Variants in C4orf46 observed in about 807,000 individuals in gnomAD.
C4orf46 encodes renal cancer differentiation gene 1 protein.
Under a neutral mutation model 9.1 loss-of-function variants are expected in C4orf46, and 8 were observed. The observed-to-expected ratio is 0.88, with a 90% CI of 0.52 to 1.59. C4orf46 has a LOEUF of 1.59. Among genes scored for constraint, C4orf46 ranks in the 40% most tolerant of loss-of-function variants. The probability of loss-of-function intolerance (pLI) is 0.00; values close to 1 mark genes in which losing one functional copy is unlikely to be tolerated. For synonymous variants in C4orf46, 51 were observed against 58.8 expected (o/e 0.87, Z 0.61); for missense variants, 151 against 139.1 (o/e 1.09, Z -0.43).
chr4:158,672,022 G>A (rs1321259826), upstream of C4orf46: 26 of 552,816 alleles, frequency 4.7e-5, no homozygotes, highest in Non-Finnish European at 7.4e-5. Context: ...GCTCCTGCGC[G>A]AGCCTCCAAT....
At chr4:158,670,793 G>A (rs188573671) in intron 1 of C4orf46, among the ~76,000 whole-genome samples, 4 of 152,182 alleles carry the variant, frequency 2.6e-5, no homozygotes, top group Admixed American at 1.3e-4. Flanking sequence ...CCAATCTGCA[G>A]GAAAGGTCAG....
chr4:158,669,782 G>A lies in C4orf46; in HGVS notation c.187-14C>T, dbSNP rs80032457. On this transcript the variant is annotated splice_polypyrimidine_tract_variant and intron_variant, in intron 1 of 1. Transcript: ENST00000379205. ...TGAAAAGGCTGCCTAAAAAAAAAAA[G>A]TCAAACATAATTTTATTTTTAAAAT... 6.6e-4 allele frequency: 1,019 copies of A among 1,533,610 alleles called. 7 individuals are homozygous for A. In the East Asian group the frequency reaches 0.021, roughly 32 times the overall value.
rs1364821837 is a variant in C4orf46 at position 158,667,689 on chromosome 4, A to G, written c.*1924T>C. ...ACACTCCAGCCTGAGCAATAGAGTG[A>G]GATCTTGTCTCTTAAAAAAAAAAAA... is the stretch of plus-strand genomic sequence containing the variant. On this transcript the variant is annotated 3_prime_UTR_variant, in exon 2 of 2. Transcript: ENST00000379205. 6.6e-6 allele frequency: 1 copy of G among 151,650 alleles called. No homozygotes were observed. 9.4% of individuals were successfully genotyped at this position (151,650 alleles called of 1,614,324 possible).
chr4:158,671,724 A>G lies in C4orf46; in HGVS notation c.78T>C (p.Ser26=). 2 of 1,600,648 alleles carry G rather than the reference A, an allele frequency of 1.2e-6. No homozygotes were observed. The highest frequency in any genetic ancestry group is 1.7e-6 in the Non-Finnish European group (2 of 1,173,784). ...PPSSPSSSDA[S]AASSPGGPVS... The stretch of plus-strand genomic sequence containing the variant: ...CTGGGCCGCCCGGGGAAGATGCTGC[A>G]GAGGCGTCTGAAGAGGAGGGAGAAG... The change falls in exon 1 of 2, where the codon TCT becomes TCC. Residue 26 remains serine (S), a synonymous_variant. Transcript: ENST00000379205.
Position 158,669,720 on chromosome 4 carries a change from C to T in C4orf46, c.235G>A (p.Ala79Thr). ...TTGAAGGCAAGTTCTTCCACTTGAGCTGATACTGCAGATGTGGCTTCAAGA... is the reference window on the plus strand; with the variant it reads ...TTGAAGGCAAGTTCTTCCACTTGAGTTGATACTGCAGATGTGGCTTCAAGA... ...KLLEATSAVS[A>T]QVEELAFKCT... Residue 79 changes from alanine to threonine, a missense_variant, in exon 2 of 2, where the codon GCT becomes ACT. Transcript: ENST00000379205. 6.2e-7 allele frequency: 1 copy of T among 1,613,536 alleles called. No homozygotes were observed. The highest frequency in any genetic ancestry group is 1.7e-5 in the Admixed American group (1 of 59,994).
Position 158,669,414 on chromosome 4 carries a change from AC to A in C4orf46, c.*198del, listed in dbSNP as rs552590192. ...GTTCAGAGGCATAAAGTATTTAAGG[AC>A]AAACAAGTACTGGTCCGCAACAAAA... On this transcript the variant is annotated 3_prime_UTR_variant, in exon 2 of 2. Coordinates refer to ENST00000379205, the MANE Select transcript of C4orf46 (RefSeq NM_001008393.4). The A allele has an allele frequency of 1.7e-4, 80 of 479,550 alleles. No homozygotes were observed. The highest frequency in any genetic ancestry group is 2.6e-4 in the Non-Finnish European group (70 of 267,076). 29.7% of individuals were successfully genotyped at this position (479,550 alleles called of 1,614,324 possible). A position where few individuals can be genotyped will look rare whatever the true frequency, so the allele number is the denominator to read the frequency against.
rs536720153 is a variant in C4orf46 at position 158,671,613 on chromosome 4, C to T, written c.186+3G>A. 1.4e-4 allele frequency: 209 copies of T among 1,544,594 alleles called. 2 individuals carry two copies. The South Asian group carries it at 2.2e-3, about 16-fold the overall frequency. On this transcript the variant is annotated splice_donor_region_variant and intron_variant, in intron 1 of 1. Transcript: ENST00000379205. ...GGGGACGCGGTCCCGACACCACACT[C>T]ACGTCTCCGATCTGCAGCTCCACTT...
chr4:158,671,723 C>A lies in C4orf46; in HGVS notation c.79G>T (p.Ala27Ser), dbSNP rs145167320. ...ACTGGGCCGCCCGGGGAAGATGCTG[C>A]AGAGGCGTCTGAAGAGGAGGGAGAA... is the stretch of plus-strand genomic sequence containing the variant. Reference protein sequence around the residue: ...PSSPSSSDASAASSPGGPVSL... With the variant: ...PSSPSSSDASSASSPGGPVSL... The change falls in exon 1 of 2, where the codon GCA becomes TCA. Residue 27 changes from alanine to serine, a missense_variant. Ala to Ser is a moderately conservative substitution (Grantham distance 99). Coordinates refer to ENST00000379205, the MANE Select transcript of C4orf46 (RefSeq NM_001008393.4). 6.2e-7 allele frequency: 1 copy of A among 1,601,292 alleles called. No homozygotes were observed. Among genetic ancestry groups the A allele is most frequent in the African/African-American group, 1.3e-5 (1 of 74,752 alleles).
chr4:158,667,419 T>G lies in C4orf46; in HGVS notation c.*2194A>C, dbSNP rs1224143538. The stretch of plus-strand genomic sequence containing the variant: ...TTATGAAAGATTGGTAAAATTACGT[T>G]TTTAAAAATTCAAGATTTCATAACC... On this transcript the variant is annotated 3_prime_UTR_variant, in exon 2 of 2. Transcript: ENST00000379205. The G allele has an allele frequency of 6.6e-6, 1 of 152,110 alleles. No individual in the cohort carries two copies. Among genetic ancestry groups the G allele is most frequent in the Non-Finnish European group, 1.5e-5 (1 of 68,032 alleles). The allele number at this position is 152,110 out of a possible 1,614,324, so 9.4% of individuals were successfully genotyped here.
Position 158,669,263 on chromosome 4 carries a change from T to C in C4orf46, c.*350A>G, listed in dbSNP as rs1168670742. 6.1e-6 allele frequency: 1 copy of C among 163,192 alleles called. No homozygotes were observed. Among genetic ancestry groups the C allele is most frequent in the Non-Finnish European group, 1.3e-5 (1 of 75,428 alleles). 10.1% of individuals were successfully genotyped at this position (163,192 alleles called of 1,614,324 possible). A position where few individuals can be genotyped will look rare whatever the true frequency, so the allele number is the denominator to read the frequency against. On this transcript the variant is annotated 3_prime_UTR_variant, in exon 2 of 2. Coordinates refer to ENST00000379205, the MANE Select transcript of C4orf46 (RefSeq NM_001008393.4). The stretch of plus-strand genomic sequence containing the variant: ...TAAGATGAAACGCAACTTCAAAGTC[T>C]GCCATGCTTAGCATCTTGTTGCAAA...
chr4:158,671,580 C>T, intron 1 of C4orf46, 36 bp downstream of exon 1: 1 of 1,450,062 alleles, frequency 6.9e-7, no homozygotes, highest in Non-Finnish European at 9.2e-7. Context: ...TTCCCAGAGG[C>T]GCCGAGGGGG....
At position 158,668,834 on chromosome 4, in the gene C4orf46, G is replaced by A. The variant is rs1773444678; in HGVS notation, c.*779C>T. The A allele has an allele frequency of 6.6e-6, 1 of 151,674 alleles. No individual in the cohort carries two copies. Among genetic ancestry groups the A allele is most frequent in the African/African-American group, 2.4e-5 (1 of 41,282 alleles). The allele number at this position is 151,674 out of a possible 1,614,324, so 9.4% of individuals were successfully genotyped here. A position where few individuals can be genotyped will look rare whatever the true frequency, so the allele number is the denominator to read the frequency against. On this transcript the variant is annotated 3_prime_UTR_variant, in exon 2 of 2. Coordinates refer to ENST00000379205, the MANE Select transcript of C4orf46 (RefSeq NM_001008393.4). Reference sequence around the variant, plus strand: ...AAAGCAGTAACCACAGAAATAAATAGGGAAAAAATATGCATTCTTTCTAAA... The same window carrying A: ...AAAGCAGTAACCACAGAAATAAATAAGGAAAAAATATGCATTCTTTCTAAA...
rs1007923314 is a variant in C4orf46 at position 158,666,894 on chromosome 4, AAT to A, written c.*2717_*2718del. 1 of 152,044 alleles carries A rather than the reference AAT, an allele frequency of 6.6e-6. No individual in the cohort carries two copies. Among genetic ancestry groups the A allele is most frequent in the Non-Finnish European group, 1.5e-5 (1 of 68,032 alleles). The allele number at this position is 152,044 out of a possible 1,614,324, so 9.4% of individuals were successfully genotyped here. A position where few individuals can be genotyped will look rare whatever the true frequency, so the allele number is the denominator to read the frequency against. ...GAAGGTAAATATATGTTAAGAAACT[AAT>A]AGTTTCTTGTTTGTAGATTCCTCTG... On this transcript the variant is annotated 3_prime_UTR_variant, in exon 2 of 2. Coordinates refer to ENST00000379205, the MANE Select transcript of C4orf46 (RefSeq NM_001008393.4).
chr4:158,669,551 C>CA lies in C4orf46; in HGVS notation c.*61dup. On this transcript the variant is annotated 3_prime_UTR_variant, in exon 2 of 2. Coordinates refer to ENST00000379205, the MANE Select transcript of C4orf46 (RefSeq NM_001008393.4). ...TCATCCTATATGTGTGGTACATGTA[C>CA]AAAATATGACATAAGAAGTATGAAT... 6.5e-7 allele frequency: 1 copy of CA among 1,540,394 alleles called. No individual in the cohort carries two copies. Among genetic ancestry groups the CA allele is most frequent in the African/African-American group, 1.4e-5 (1 of 73,262 alleles).
rs898752854 is a variant in C4orf46 at position 158,668,355 on chromosome 4, A to G, written c.*1258T>C. 9 of 152,684 alleles carry G rather than the reference A, an allele frequency of 5.9e-5. No individual in the cohort carries two copies. Among genetic ancestry groups the G allele is most frequent in the Non-Finnish European group, 1.2e-4 (8 of 68,038 alleles). The allele number at this position is 152,684 out of a possible 1,614,324, so 9.5% of individuals were successfully genotyped here. ...CCTATGTGTTTATCTTTAACTAAAA[A>G]AACTAATCAAGAACTATGACCTAAT... On this transcript the variant is annotated 3_prime_UTR_variant, in exon 2 of 2. Coordinates refer to ENST00000379205, the MANE Select transcript of C4orf46 (RefSeq NM_001008393.4).
In C4orf46 at chr4:158,669,248, C is replaced by G. The variant is rs1773454412; in HGVS notation, c.*365G>C. On this transcript the variant is annotated 3_prime_UTR_variant, in exon 2 of 2. Transcript: ENST00000379205. ...ACCTCCCTTGGTCCTTAAGATGAAA[C>G]GCAACTTCAAAGTCTGCCATGCTTA... 1 of 159,586 alleles carries G rather than the reference C, an allele frequency of 6.3e-6. No individual in the cohort carries two copies. Among genetic ancestry groups the G allele is most frequent in the Non-Finnish European group, 1.4e-5 (1 of 73,008 alleles). The allele number at this position is 159,586 out of a possible 1,614,324, so 9.9% of individuals were successfully genotyped here.
intron 1 of C4orf46, 143 bp downstream of exon 1, chr4:158,671,473 C>T (rs1288293655): frequency 6.0e-6 from 5 of 834,970 alleles, no homozygotes; most frequent in Non-Finnish European, 5.2e-6. Context: ...CCCCGCTTCC[C>T]GCCCGCACGC....
chr4:158,671,589 G>A, intron 1 of C4orf46, 27 bp downstream of exon 1: 2 of 1,458,532 alleles, frequency 1.4e-6, no homozygotes, highest in Non-Finnish European at 9.1e-7. Context: ...GCGCCGAGGG[G>A]GGACGCGGTC....
chr4:158,671,843 A>T lies in C4orf46; in HGVS notation c.-42T>A. Reference sequence around the variant, plus strand: ...CGCGGAATCCGACCCGAGAAGCCGAACCGACACCAACTGTCTTTTAACCAC... The same window carrying T: ...CGCGGAATCCGACCCGAGAAGCCGATCCGACACCAACTGTCTTTTAACCAC... On this transcript the variant is annotated 5_prime_UTR_variant, in exon 1 of 2. Coordinates refer to ENST00000379205, the MANE Select transcript of C4orf46 (RefSeq NM_001008393.4). The T allele has an allele frequency of 2.1e-6, 3 of 1,421,088 alleles. No homozygotes were observed. Among genetic ancestry groups the T allele is most frequent in the Non-Finnish European group, 2.8e-6 (3 of 1,072,596 alleles). 88.0% of individuals were successfully genotyped at this position (1,421,088 alleles called of 1,614,324 possible).
Sources: gnomAD v4.1 joint callset for allele counts (sites outside exome capture counted in the v4.1 genomes callset) on GRCh38, gnomAD v4.1.1 for gene constraint, MANE v1.5 for transcripts, NCBI Gene and HGNC (gene_info 2026-07-23, HGNC 2026-07-21) for gene names.